Variants in PARD3 observed in about 807,000 individuals in gnomAD.
The protein encoded by PARD3 is partitioning defective 3 homolog.
Under a neutral mutation model 155.4 loss-of-function variants are expected in PARD3, and 75 were observed. That is an observed-to-expected ratio of 0.48 (90% CI 0.40 to 0.58). The LOEUF (loss-of-function observed/expected upper bound fraction) is 0.58. PARD3 is among the 20% of genes least tolerant of loss of function. PARD3 has a pLI of 0.00. For synonymous variants in PARD3, 576 were observed against 610.5 expected (o/e 0.94, Z 0.83); for missense variants, 1,642 against 1,721.7 (o/e 0.95, Z 0.82).
intron 22 of PARD3, among the ~76,000 whole-genome samples, chr10:34,157,021 A>G (rs9971076): frequency 1.3e-3 from 199 of 152,378 alleles, no homozygotes; most frequent in African/African-American, 4.5e-3. Flanking sequence ...GAACATGATT[A>G]TTGTATGAGA....
intron 1 of PARD3, among the ~76,000 whole-genome samples, chr10:34,708,297 T>C (rs1418362821): frequency 1.3e-5 from 2 of 151,014 alleles, no homozygotes; most frequent in Non-Finnish European, 2.9e-5. Flanking sequence ...CTTCGTCTGA[T>C]ATCTAAGTGC....
At chr10:34,721,720 T>A (rs1294237119) in intron 1 of PARD3, among the ~76,000 whole-genome samples, 2 of 152,310 alleles carry the variant, frequency 1.3e-5, no homozygotes, top group Middle Eastern at 3.4e-3. Context: ...TAAAGTGAGA[T>A]CCATTCAGTT....
intron 1 of PARD3, among the ~76,000 whole-genome samples, chr10:34,807,748 C>T (rs1843585767): frequency 6.6e-6 from 1 of 151,630 alleles, no homozygotes; most frequent in African/African-American, 2.4e-5. Flanking sequence ...AGACTATATA[C>T]AAAATATACT....
chr10:34,486,203 C>T (rs943304496), intron 3 of PARD3, among the ~76,000 whole-genome samples: 13 of 152,086 alleles, frequency 8.5e-5, no homozygotes, highest in African/African-American at 3.1e-4. Flanking sequence ...GAGGCACGAG[C>T]CAGCCTGTTT....
At chr10:34,802,811 C>T (rs894804173) in intron 1 of PARD3, among the ~76,000 whole-genome samples, 2 of 152,080 alleles carry the variant, frequency 1.3e-5, no homozygotes, top group African/African-American at 4.8e-5. Flanking sequence ...CTGGCAAACA[C>T]TCCTGGTAAA....
In PARD3 at chr10:34,723,699, A is replaced by C. The variant is rs74132101; in HGVS notation, c.121-27280T>G. ...CAGCTTGTTCCCCGCCTAGGGAAAA[A>C]GCTCAATCACTTCATAAATCTGGCA... On this transcript the variant is annotated intron_variant, in intron 1 of 24. Coordinates refer to ENST00000374788, the MANE Select transcript of PARD3 (RefSeq NM_001184785.2). Among the ~76,000 whole-genome samples, 1,318 of 152,328 alleles carry C rather than the reference A, an allele frequency of 8.7e-3. 23 individuals are homozygous for C. Among genetic ancestry groups the C allele is most frequent in the African/African-American group, 0.03 (1,262 of 41,572 alleles).
At chr10:34,205,485 C>A (rs1399195012) in intron 22 of PARD3, among the ~76,000 whole-genome samples, 1 of 152,184 alleles carries the variant, frequency 6.6e-6, no homozygotes, top group East Asian at 1.9e-4. Context: ...CTCCTCTGTT[C>A]ACTTTATCAG....
intron 14 of PARD3, among the ~76,000 whole-genome samples, chr10:34,358,372 C>T (rs1839105091): frequency 6.6e-6 from 1 of 152,102 alleles, no homozygotes. Context: ...CTGCAACATA[C>T]ATTTAGAACA....
In PARD3 at chr10:34,530,868, C is replaced by T. The variant is rs112025798; in HGVS notation, c.223-13709G>A. 7.0e-3 allele frequency among the ~76,000 whole-genome samples: 1,072 copies of T among 152,298 alleles called. 13 individuals carry two copies. The highest frequency in any genetic ancestry group is 0.024 in the African/African-American group (1,016 of 41,556). On this transcript the variant is annotated intron_variant, in intron 2 of 24. Transcript: ENST00000374788. ...CATTGTGTTTGAGGCAACTAGACTA[C>T]TTCAACGCCTTGAACTCCTGGGGCT... is the stretch of plus-strand genomic sequence containing the variant.
chr10:34,660,834 T>C (rs2093305979), intron 2 of PARD3, among the ~76,000 whole-genome samples: 1 of 152,164 alleles, frequency 6.6e-6, no homozygotes, highest in Non-Finnish European at 1.5e-5. Flanking sequence ...TGCTTGGCTG[T>C]TTCCAGACTG....
chr10:34,213,158 C>T (rs1345507043), intron 22 of PARD3, among the ~76,000 whole-genome samples: 1 of 152,268 alleles, frequency 6.6e-6, no homozygotes, highest in East Asian at 1.9e-4. Flanking sequence ...CAAGATTGGG[C>T]AGCTGCATCT....
chr10:34,615,393 A>C (rs909201945), intron 2 of PARD3, among the ~76,000 whole-genome samples: 1 of 152,110 alleles, frequency 6.6e-6, no homozygotes, highest in African/African-American at 2.4e-5. Context: ...ACCACTGAGG[A>C]AACAGTGTAA....
Position 34,344,475 on chromosome 10 carries a change from G to T in PARD3, c.2219-2659C>A, listed in dbSNP as rs866862915. ...TTTTTGTATTTTTCGTAGAGACAGG[G>T]TTTCACATGTTGGCCAGGCTGGTCT... On this transcript the variant is annotated intron_variant, in intron 15 of 24. Transcript: ENST00000374788. 20 of 589,060 alleles carry T rather than the reference G, an allele frequency of 3.4e-5. 1 individual carries two copies. The South Asian group carries it at 1.5e-3, about 44-fold the overall frequency. 36.5% of individuals were successfully genotyped at this position (589,060 alleles called of 1,614,324 possible). A position where few individuals can be genotyped will look rare whatever the true frequency, so the allele number is the denominator to read the frequency against.
intron 5 of PARD3, among the ~76,000 whole-genome samples, chr10:34,446,631 A>C (rs2076754113): frequency 6.6e-6 from 1 of 152,240 alleles, no homozygotes. Context: ...TAGTTTAAAA[A>C]TCCGAATTAT....
chr10:34,461,773 C>T (rs1176958671), intron 4 of PARD3, among the ~76,000 whole-genome samples: 1 of 151,938 alleles, frequency 6.6e-6, no homozygotes. Context: ...TATTCATTTC[C>T]CTCTGTGATG....
chr10:34,782,057 A>T (rs1339790037), intron 1 of PARD3, among the ~76,000 whole-genome samples: 2 of 152,200 alleles, frequency 1.3e-5, no homozygotes, highest in African/African-American at 4.8e-5. Context: ...TTAACTTGTA[A>T]AGAGAACAGA....
intron 22 of PARD3, among the ~76,000 whole-genome samples, chr10:34,168,978 C>T (rs566014375): frequency 6.6e-6 from 1 of 152,318 alleles, no homozygotes; most frequent in Non-Finnish European, 1.5e-5. Context: ...AAATAAAGAG[C>T]TCTCAAATGT....
chr10:34,521,361 CA>C (rs2133691169), intron 2 of PARD3, among the ~76,000 whole-genome samples: 1 of 73,960 alleles, frequency 1.4e-5, no homozygotes, highest in South Asian at 4.1e-4. Context: ...TATAGTAACA[CA>C]GCAAAAAAAA....
intron 24 of PARD3, among the ~76,000 whole-genome samples, chr10:34,112,303 T>A (rs951979536): frequency 2.6e-5 from 4 of 152,224 alleles, no homozygotes; most frequent in African/African-American, 7.2e-5. Flanking sequence ...CACCCCAGGA[T>A]AGGCAAGTAA....
Sources: gnomAD v4.1 joint callset for allele counts (sites outside exome capture counted in the v4.1 genomes callset) on GRCh38, gnomAD v4.1.1 for gene constraint, MANE v1.5 for transcripts, NCBI Gene and HGNC (gene_info 2026-07-23, HGNC 2026-07-21) for gene names.